The following UMODL1 variants were observed in gnomAD, a reference collection of about 807,000 sequenced individuals.
The protein encoded by UMODL1 is uromodulin-like 1.
A neutral mutation model predicts 136.3 loss-of-function variants in UMODL1; 128 were observed. The observed-to-expected ratio is 0.94, with a 90% confidence interval of 0.81 to 1.09. The LOEUF is 1.09. UMODL1 is among the 50% of genes least tolerant of loss of function. UMODL1 has a pLI of 0.00. For synonymous variants in UMODL1, 721 were observed against 720.0 expected (o/e 1.00, Z -0.02); for missense variants, 1,766 against 1,725.6 (o/e 1.02, Z -0.41).
Position 42,071,388 on chromosome 21 carries a change from C to A in UMODL1, c.72C>A (p.Phe24Leu). The change falls in exon 1 of 23, where the codon TTC becomes TTA. Residue 24 changes from phenylalanine to leucine, a missense_variant. Phe to Leu is a conservative substitution (Grantham distance 22, BLOSUM62 0). Transcript: ENST00000408910. ...TGGGCCCAAGCCAGGCCAGCGGCTT[C>A]ACAGGTGAGGGGTCTGGGCTTGGCA... ...SAVGPSQASG[F>L]TEKGLSLLGY... The A allele has an allele frequency of 1.9e-6, 3 of 1,590,128 alleles. No individual in the cohort carries two copies. Among genetic ancestry groups the A allele is most frequent in the Non-Finnish European group, 2.6e-6 (3 of 1,168,886 alleles).
intron 17 of UMODL1, 44 bp from the exon 18 acceptor site, chr21:42,126,301 C>T (rs767891018): frequency 2.5e-6 from 4 of 1,609,380 alleles, no homozygotes; most frequent in Non-Finnish European, 3.4e-6. Context: ...GCGTGGGGGG[C>T]CGGCTGGGGC....
At chr21:42,077,209 G>A (rs754644203) in intron 2 of UMODL1, among the ~76,000 whole-genome samples, 4 of 151,928 alleles carry the variant, frequency 2.6e-5, no homozygotes, top group Non-Finnish European at 5.9e-5. Context: ...GAGACATAAG[G>A]GCTGTGACCT....
rs946633804 is a variant in UMODL1, at chr21:42,103,886, C to G, written c.1318C>G (p.Pro440Ala). Residue 440 changes from proline (P) to alanine (A), a missense_variant, in exon 9 of 23, where the codon CCA becomes GCA. Physicochemically the swap from Pro to Ala is conservative, Grantham distance 27. Coordinates refer to ENST00000408910, the MANE Select transcript of UMODL1 (RefSeq NM_001004416.3). ...LLHEVESSFPPVVSDLYRSGK... is the reference protein window; with the variant it reads ...LLHEVESSFPAVVSDLYRSGK... ...TGGCTAGGTCGAGAGCTCCTTCCCA[C>G]CAGTGGTGTCTGACTTGTACCGAAG... 6.2e-7 allele frequency: 1 copy of G among 1,614,054 alleles called. No individual in the cohort carries two copies. Among genetic ancestry groups the G allele is most frequent in the Non-Finnish European group, 8.5e-7 (1 of 1,180,040 alleles).
chr21:42,119,214 A>G lies in UMODL1; in HGVS notation c.2579A>G (p.His860Arg). ...VTNGSIVVEF[H>R]LLIIADVDVQ... is the part of the protein sequence containing the mutation. ...AACGGCAGCATCGTGGTGGAGTTTC[A>G]CTTGCTGATAATCGCAGATGTGGAT... Residue 860 changes from histidine to arginine, a missense_variant, in exon 15 of 23, where the codon CAC becomes CGC. Transcript: ENST00000408910. The G allele has an allele frequency of 6.2e-7, 1 of 1,614,184 alleles. No homozygotes were observed. The highest frequency in any genetic ancestry group is 8.5e-7 in the Non-Finnish European group (1 of 1,180,022).
chr21:42,123,552 CATGTGTGTGA>C lies in UMODL1; in HGVS notation c.3147+411_3147+420del, dbSNP rs966022175. 2.0e-5 allele frequency among the ~76,000 whole-genome samples: 3 copies of C among 151,292 alleles called. No homozygotes were observed. The highest frequency in any genetic ancestry group is 4.9e-5 in the African/African-American group (2 of 41,028). On this transcript the variant is annotated intron_variant, in intron 17 of 22. Coordinates refer to ENST00000408910, the MANE Select transcript of UMODL1 (RefSeq NM_001004416.3). This position sits in a 1 kb window ranked among gnomAD's most constrained non-coding sequence, Gnocchi z 4.4. Reference sequence around the variant, plus strand: ...ATATGTCTGTGTATGTGGGGGTGTGCATGTGTGTGAATGTGTGTAAATGTGTGAATCTGTG... The same window carrying C: ...ATATGTCTGTGTATGTGGGGGTGTGCATGTGTGTAAATGTGTGAATCTGTG...
chr21:42,101,261 G>A (rs970146835), intron 7 of UMODL1, among the ~76,000 whole-genome samples: 1 of 152,124 alleles, frequency 6.6e-6, no homozygotes, highest in African/African-American at 2.4e-5. Context: ...GGCCCTGGAG[G>A]AGGCCGCCAG....
intron 20 of UMODL1, among the ~76,000 whole-genome samples, chr21:42,128,933 C>A (rs1182477188): frequency 6.6e-6 from 1 of 152,162 alleles, no homozygotes; most frequent in African/African-American, 2.4e-5. Flanking sequence ...GTTCTGGAGG[C>A]AGGAAGTCCA....
At chr21:42,072,695 G>C (rs979108214) in intron 1 of UMODL1, among the ~76,000 whole-genome samples, 9 of 152,226 alleles carry the variant, frequency 5.9e-5, no homozygotes, top group African/African-American at 1.9e-4. Context: ...ACAAGAGAGG[G>C]GCACTGGGAG....
intron 6 of UMODL1, among the ~76,000 whole-genome samples, chr21:42,092,716 C>T (rs1229572905): frequency 6.6e-6 from 1 of 152,174 alleles, no homozygotes; most frequent in East Asian, 1.9e-4. Context: ...CATTGAGGAC[C>T]ATCCCTTTGT....
chr21:42,115,911 G>A lies in UMODL1; in HGVS notation c.2401G>A (p.Val801Ile), dbSNP rs377731187. 20 of 1,614,066 alleles carry A rather than the reference G, an allele frequency of 1.2e-5. No homozygotes were observed. Among genetic ancestry groups the A allele is most frequent in the Non-Finnish European group, 1.6e-5 (19 of 1,180,014 alleles). The change falls in exon 14 of 23, where the codon GTC becomes ATC. Residue 801 changes from valine (V) to isoleucine (I), a missense_variant. Physicochemically the swap from Val to Ile is conservative, Grantham distance 29. Transcript: ENST00000408910. ...KLIGKVRIKN[V>I]RYSESFRNAS... is the part of the protein sequence containing the mutation. Reference sequence around the variant, plus strand: ...CATTGGAAAGGTCAGAATCAAAAATGTCAGGTACTCAGAATCCTTTCGCAA... The same window carrying A: ...CATTGGAAAGGTCAGAATCAAAAATATCAGGTACTCAGAATCCTTTCGCAA...
Position 42,085,740 on chromosome 21 carries a change from C to T in UMODL1, c.603+328C>T, listed in dbSNP as rs1184617407. ...GTCCCAGCAAAGACAGCCTAAGCCC[C>T]GAGCTCTTCCCTCACCACCCTCAGT... On this transcript the variant is annotated intron_variant, in intron 4 of 22. Coordinates refer to ENST00000408910, the MANE Select transcript of UMODL1 (RefSeq NM_001004416.3). The surrounding 1 kb of genome is among the most constrained non-coding windows in gnomAD (Gnocchi z 4.5). Among the ~76,000 whole-genome samples, 3 of 152,292 alleles carry T rather than the reference C, an allele frequency of 2.0e-5. No individual in the cohort carries two copies. Among genetic ancestry groups the T allele is most frequent in the Non-Finnish European group, 2.9e-5 (2 of 68,014 alleles).
At chr21:42,091,604 A>G (rs2066493144) in intron 6 of UMODL1, among the ~76,000 whole-genome samples, 2 of 152,256 alleles carry the variant, frequency 1.3e-5, no homozygotes, top group South Asian at 4.1e-4. Context: ...TCTGGAACTT[A>G]TTGATTAATT....
intron 21 of UMODL1, among the ~76,000 whole-genome samples, chr21:42,135,445 G>C (rs1477846665): frequency 1.5e-4 from 23 of 152,240 alleles, no homozygotes; most frequent in Admixed American, 1.5e-3. Flanking sequence ...AACCTAGCTG[G>C]AGAGGTGGCA....
At chr21:42,102,331 A>G (rs909396947) in intron 8 of UMODL1, 53 bp downstream of exon 8, 2 of 1,317,308 alleles carry the variant, frequency 1.5e-6, no homozygotes, top group Non-Finnish European at 1.1e-6. Context: ...GAGTGAGGAC[A>G]TCAAACACAA....
In UMODL1 at chr21:42,075,136, G is replaced by T. The variant is rs112875647; in HGVS notation, c.77-869G>T. On this transcript the variant is annotated intron_variant, in intron 1 of 22. Transcript: ENST00000408910. ...GGTGGTCTCGATCTCCTGACCTCGT[G>T]ATCCGCCCACCTTGGCCTCCCAAAG... is the stretch of plus-strand genomic sequence containing the variant. 4.7e-3 allele frequency among the ~76,000 whole-genome samples: 715 copies of T among 152,226 alleles called. 7 individuals carry two copies. The highest frequency in any genetic ancestry group is 0.017 in the African/African-American group (692 of 41,544).
chr21:42,065,882 C>T (rs2066179339), intron 1 of UMODL1, among the ~76,000 whole-genome samples: 1 of 152,142 alleles, frequency 6.6e-6, no homozygotes, highest in Non-Finnish European at 1.5e-5. Flanking sequence ...GTCAGGACAC[C>T]AGGCCTGGCT....
chr21:42,076,163 T>C lies in UMODL1; in HGVS notation c.235T>C (p.Tyr79His). ...RCPKMVYRTQ[Y>H]LVVEVPESRN... is the part of the protein sequence containing the mutation. ...CCCTAAGATGGTTTACCGGACACAG[T>C]ACCTGGTAGTGGAGGTCCCCGAGTC... is the stretch of plus-strand genomic sequence containing the variant. Residue 79 changes from tyrosine to histidine, a missense_variant, in exon 2 of 23, where the codon TAC becomes CAC. Coordinates refer to ENST00000408910, the MANE Select transcript of UMODL1 (RefSeq NM_001004416.3). 1.2e-6 allele frequency: 2 copies of C among 1,614,250 alleles called. No individual in the cohort carries two copies. The highest frequency in any genetic ancestry group is 3.3e-4 in the Middle Eastern group (2 of 6,062).
At chr21:42,110,854 C>T (rs923032413) in intron 10 of UMODL1, 26 bp from the exon 11 acceptor site, 1 of 1,573,726 alleles carries the variant, frequency 6.4e-7, no homozygotes, top group Non-Finnish European at 8.6e-7. Context: ...ATCCAGCAGG[C>T]TCTGACAGTG....
At chr21:42,127,596 C>A in intron 19 of UMODL1, 76 bp from the exon 20 acceptor site, 1 of 1,465,586 alleles carries the variant, frequency 6.8e-7, no homozygotes, top group African/African-American at 1.4e-5. Context: ...CAGATGTAGT[C>A]GTGAGTAAAC....
Sources: gnomAD v4.1 joint callset for allele counts (sites outside exome capture counted in the v4.1 genomes callset) on GRCh38, gnomAD v4.1.1 for gene constraint, Gnocchi (gnomAD v3.1) non-coding constraint, MANE v1.5 for transcripts, NCBI Gene and HGNC (gene_info 2026-07-23, HGNC 2026-07-21) for gene names.